Variants in FLT1 observed in about 807,000 individuals in gnomAD.
The protein encoded by FLT1 is fms related receptor tyrosine kinase 1.
FLT1 carries 49 observed loss-of-function variants against 156.3 expected under a neutral mutation model. The ratio of observed to expected loss-of-function variants is 0.31; its 90% CI spans 0.25 to 0.40. FLT1 has a LOEUF of 0.40. Among genes scored for constraint, FLT1 ranks in the 10% least tolerant of loss-of-function variants. The pLI is 1.00. For synonymous variants in FLT1, 594 were observed against 583.8 expected (o/e 1.02, Z -0.25); for missense variants, 1,322 against 1,637.2 (o/e 0.81, Z 3.32).
chr13:28,362,525 G>C (rs557357873), intron 14 of FLT1, among the ~76,000 whole-genome samples: 154 of 152,182 alleles, frequency 1.0e-3, no homozygotes, highest in African/African-American at 3.6e-3. Context: ...CCAACTCAAG[G>C]ATAGCATCAT....
At chr13:28,442,701 T>TACACACACACACAC (rs111263665) in intron 3 of FLT1, among the ~76,000 whole-genome samples, 106 of 147,002 alleles carry the variant, frequency 7.2e-4, no homozygotes, top group African/African-American at 2.6e-3. Context: ...TGACTGTAGA[T>TACACACACACACAC]ACACACACAC....
chr13:28,386,482 G>A, intron 13 of FLT1: 4 of 1,047,774 alleles, frequency 3.8e-6, no homozygotes, highest in Non-Finnish European at 4.6e-6. Flanking sequence ...TGTGCTGAAG[G>A]AAGTGCTCTG....
At chr13:28,388,997 A>G (rs1874536223) in intron 13 of FLT1, 1 of 1,064,970 alleles carries the variant, frequency 9.4e-7, no homozygotes, top group African/African-American at 1.6e-5. Flanking sequence ...AATTACCTGG[A>G]TCGCATGAGA....
intron 12 of FLT1, among the ~76,000 whole-genome samples, chr13:28,393,714 G>A (rs1387061866): frequency 6.6e-6 from 1 of 152,090 alleles, no homozygotes; most frequent in Non-Finnish European, 1.5e-5. Context: ...AGCCTCCCAA[G>A]TAGGTGGGAA....
chr13:28,368,469 T>C (rs1233097580), intron 14 of FLT1: 2 of 1,499,508 alleles, frequency 1.3e-6, no homozygotes, highest in East Asian at 5.0e-5. Flanking sequence ...ATTGTTATGA[T>C]TGTCTTGGCT....
chr13:28,490,290 C>G (rs1881397821), intron 1 of FLT1, among the ~76,000 whole-genome samples: 1 of 152,224 alleles, frequency 6.6e-6, no homozygotes, highest in Non-Finnish European at 1.5e-5. Context: ...TCAGAAACAG[C>G]TTTCAGGCAT....
chr13:28,392,456 C>G (rs1445933480), intron 12 of FLT1, among the ~76,000 whole-genome samples: 2 of 152,176 alleles, frequency 1.3e-5, no homozygotes, highest in Non-Finnish European at 2.9e-5. Context: ...AGGTATTGTG[C>G]ACTGGTTGCA....
chr13:28,405,723 GAGCTGAGAGTGTATT>G (rs1459864681), intron 11 of FLT1, 42 bp downstream of exon 11: 1 of 965,248 alleles, frequency 1.0e-6, no homozygotes, highest in Non-Finnish European at 1.7e-6. Context: ...CTAGAATTGG[GAGCTGAGAGTGTATT>G]TGTGGAATAA....
chr13:28,322,808 C>A lies in FLT1; in HGVS notation c.2935G>T (p.Asp979Tyr). Residue 979 changes from aspartate to tyrosine, a missense_variant, in exon 21 of 30, where the codon GAT becomes TAT. Physicochemically the swap from Asp to Tyr is radical, Grantham distance 160. Transcript: ENST00000282397. This position sits in a 1 kb window ranked among gnomAD's most constrained non-coding sequence, Gnocchi z 4.3. Reference sequence around the variant, plus strand: ...TACCTACCCTCCTCTTCCTCAACATCACTCAGACTTTTATCTTCCTGAAAG... The same window carrying A: ...TACCTACCCTCCTCTTCCTCAACATAACTCAGACTTTTATCTTCCTGAAAG... Reference protein sequence around the residue: ...SGFQEDKSLSDVEEEEDSDGF... With the variant: ...SGFQEDKSLSYVEEEEDSDGF... 1 of 1,614,066 alleles carries A rather than the reference C, an allele frequency of 6.2e-7. No homozygotes were observed. Among genetic ancestry groups the A allele is most frequent in the Non-Finnish European group, 8.5e-7 (1 of 1,180,030 alleles).
At chr13:28,376,312 C>T (rs753208171) in intron 14 of FLT1, among the ~76,000 whole-genome samples, 1 of 152,212 alleles carries the variant, frequency 6.6e-6, no homozygotes, top group Non-Finnish European at 1.5e-5. Flanking sequence ...TCCTGCTCCA[C>T]CCTCAGTCTG....
At chr13:28,308,584 C>T (rs956176076) in intron 28 of FLT1, 1 of 486,498 alleles carries the variant, frequency 2.1e-6, no homozygotes, top group African/African-American at 1.9e-5. Context: ...CTTAGAAACA[C>T]ACAATGGAGT....
chr13:28,351,265 T>C (rs1593701421), intron 15 of FLT1, among the ~76,000 whole-genome samples: 1 of 152,322 alleles, frequency 6.6e-6, no homozygotes, highest in South Asian at 2.1e-4. Context: ...TAACTACTTA[T>C]GTGGGTTTAT....
At chr13:28,432,188 C>T (rs942642024) in intron 6 of FLT1, among the ~76,000 whole-genome samples, 4 of 151,942 alleles carry the variant, frequency 2.6e-5, no homozygotes, top group South Asian at 2.1e-4. Flanking sequence ...TCATAGGGGG[C>T]GGAGGGGAGG....
rs1224773818 is a variant in FLT1, at chr13:28,461,169, C to A, written c.388+5734G>T. Among the ~76,000 whole-genome samples the A allele has an allele frequency of 2.0e-5, 3 of 151,648 alleles. No homozygotes were observed. The South Asian group carries it at 6.2e-4, about 31-fold the overall frequency. ...TTTTTAATGCAGGTTGAAACCCATT[C>A]ATTTGATTCCATAGCCCATTAATGA... On this transcript the variant is annotated intron_variant, in intron 3 of 29. Transcript: ENST00000282397.
chr13:28,360,860 G>A (rs1393319165), intron 14 of FLT1, among the ~76,000 whole-genome samples: 1 of 152,166 alleles, frequency 6.6e-6, no homozygotes, highest in Non-Finnish European at 1.5e-5. Flanking sequence ...ACAAAGAAAT[G>A]ATATTTGAGC....
At position 28,301,410 on chromosome 13, in the gene FLT1, C is replaced by T. The variant is rs937631852; in HGVS notation, c.*1757G>A. 3.4e-5 allele frequency: 8 copies of T among 233,026 alleles called. No individual in the cohort carries two copies. The highest frequency in any genetic ancestry group is 1.2e-3 in the Middle Eastern group (1 of 808). The allele number at this position is 233,026 out of a possible 1,614,324, so 14.4% of individuals were successfully genotyped here. The stretch of plus-strand genomic sequence containing the variant: ...TGGCTAGTGAGTCTTCCACAAAAGC[C>T]GCTGCCAGGAGCCAGTAGGCTCACT... On this transcript the variant is annotated 3_prime_UTR_variant, in exon 30 of 30. Transcript: ENST00000282397.
chr13:28,451,780 C>T (rs1012155880), intron 3 of FLT1, among the ~76,000 whole-genome samples: 39 of 152,198 alleles, frequency 2.6e-4, no homozygotes, highest in African/African-American at 4.6e-4. Context: ...AGGCACTTTC[C>T]TGTTCCTAAA....
chr13:28,412,385 T>TTTCTTTCCTTCTTTCTTTCCTTCTTTCC (rs1555236551), intron 10 of FLT1, among the ~76,000 whole-genome samples: 2 of 84,940 alleles, frequency 2.4e-5, no homozygotes, highest in African/African-American at 7.5e-5. Flanking sequence ...TCTTTCTTTC[T>TTTCTTTCCTTCTTTCTTTCCTTCTTTCC]TTCTTTCTTT....
intron 25 of FLT1, among the ~76,000 whole-genome samples, chr13:28,314,750 A>G (rs895940150): frequency 2.6e-5 from 4 of 152,236 alleles, no homozygotes; most frequent in Admixed American, 2.6e-4. Context: ...GCTGGAGAAA[A>G]TGGCTGAAGG....
Sources: gnomAD v4.1 joint callset for allele counts (sites outside exome capture counted in the v4.1 genomes callset) on GRCh38, gnomAD v4.1.1 for gene constraint, Gnocchi (gnomAD v3.1) non-coding constraint, MANE v1.5 for transcripts, NCBI Gene and HGNC (gene_info 2026-07-23, HGNC 2026-07-21) for gene names.